The following B4GALT1 variants were observed in gnomAD, a reference collection of about 807,000 sequenced individuals.
B4GALT1 encodes beta-1,4-galactosyltransferase 1.
B4GALT1 carries 16 observed loss-of-function variants against 34.9 expected under a neutral mutation model. That is an observed-to-expected ratio of 0.46 (90% CI 0.31 to 0.70). B4GALT1 has a LOEUF of 0.70. Ranked by LOEUF, B4GALT1 falls within the 30% of genes least tolerant of loss-of-function variation. B4GALT1 has a pLI of 0.05. For missense variants in B4GALT1, 445 were observed against 530.5 expected (o/e 0.84, Z 1.58); for synonymous variants, 221 against 218.1 (o/e 1.01, Z -0.12).
At position 33,167,258 on chromosome 9, in the gene B4GALT1, G is replaced by C; in HGVS notation, c.-89C>G. 1 of 1,407,288 alleles carries C rather than the reference G, an allele frequency of 7.1e-7. No individual in the cohort carries two copies. The highest frequency in any genetic ancestry group is 9.2e-7 in the Non-Finnish European group (1 of 1,081,484). 87.2% of individuals were successfully genotyped at this position (1,407,288 alleles called of 1,614,324 possible). A position where few individuals can be genotyped will look rare whatever the true frequency, so the allele number is the denominator to read the frequency against. On this transcript the variant is annotated 5_prime_UTR_variant, in exon 1 of 6. Coordinates refer to ENST00000379731, the MANE Select transcript of B4GALT1 (RefSeq NM_001497.4). ...GCCCGCCAGGCGCTGCCCCACAGCGGCGACTAGGGGAGGGCCCGGAGCGGG... is the reference window on the plus strand; with the variant it reads ...GCCCGCCAGGCGCTGCCCCACAGCGCCGACTAGGGGAGGGCCCGGAGCGGG...
chr9:33,132,625 G>A (rs1840210405), intron 2 of B4GALT1, among the ~76,000 whole-genome samples: 1 of 152,226 alleles, frequency 6.6e-6, no homozygotes. Flanking sequence ...AGGTGGGCAG[G>A]AGCATGTAGC....
rs369691789 is a variant in B4GALT1 at position 33,104,617 on chromosome 9, C to G, written c.*135G>C. 1.5e-5 allele frequency: 6 copies of G among 396,418 alleles called. No individual in the cohort carries two copies. The East Asian group carries it at 3.6e-4, about 24-fold the overall frequency. 24.6% of individuals were successfully genotyped at this position (396,418 alleles called of 1,614,324 possible). ...CTGGATTCAGCAACCAGGCTGAGTC[C>G]TTATGACTGGCCAATCCTCCTCAGG... On this transcript the variant is annotated 3_prime_UTR_variant, in exon 3 of 3. Coordinates refer to the B4GALT1 transcript ENST00000535206.
At chr9:33,149,026 G>C (rs1205796335) in intron 1 of B4GALT1, among the ~76,000 whole-genome samples, 1 of 152,004 alleles carries the variant, frequency 6.6e-6, no homozygotes, top group African/African-American at 2.4e-5. Flanking sequence ...TTAATTAATA[G>C]GGAAAAAGGG....
At chr9:33,114,380 C>T (rs1320512809) in intron 4 of B4GALT1, among the ~76,000 whole-genome samples, 1 of 152,182 alleles carries the variant, frequency 6.6e-6, no homozygotes, top group East Asian at 1.9e-4. Context: ...GCAACGTAAG[C>T]TCCTGGGGAC....
intron 1 of B4GALT1, among the ~76,000 whole-genome samples, chr9:33,162,782 G>A (rs912035159): frequency 9.2e-5 from 14 of 152,218 alleles, no homozygotes; most frequent in Non-Finnish European, 1.9e-4. Flanking sequence ...GGTGGAGGCG[G>A]TGCCTTGTGT....
At chr9:33,155,479 T>C (rs1442458601) in intron 1 of B4GALT1, among the ~76,000 whole-genome samples, 1 of 152,224 alleles carries the variant, frequency 6.6e-6, no homozygotes, top group Admixed American at 6.5e-5. Flanking sequence ...CTGTGGTTTA[T>C]GATGGCCTCT....
At chr9:33,172,366 G>T in the B4GALT1 span, among the ~76,000 whole-genome samples, 1 of 152,250 alleles carries the variant, frequency 6.6e-6, no homozygotes, top group East Asian at 1.9e-4. Flanking sequence ...CTCTTCACTG[G>T]TCACATGTGC....
chr9:33,156,939 G>A (rs1180089170), intron 1 of B4GALT1, among the ~76,000 whole-genome samples: 4 of 152,174 alleles, frequency 2.6e-5, no homozygotes, highest in African/African-American at 9.7e-5. Flanking sequence ...GTAGGTGGGT[G>A]TTGAAAGAGC....
At position 33,166,839 on chromosome 9, in the gene B4GALT1, C is replaced by G; in HGVS notation, c.331G>C (p.Ala111Pro). Residue 111 changes from alanine (A) to proline (P), a missense_variant, in exon 1 of 6, where the codon GCT becomes CCT. By Grantham distance (27) the Ala-to-Pro change is conservative. Coordinates refer to ENST00000379731, the MANE Select transcript of B4GALT1 (RefSeq NM_001497.4). The part of the protein sequence containing the change: ...SPVVDSGPGP[A>P]SNLTSVPVPH... The stretch of plus-strand genomic sequence containing the variant: ...ACTGGGACCGAGGTCAAGTTGCTAG[C>G]GGGGCCAGGGCCAGAATCCACGACT... The G allele has an allele frequency of 6.4e-7, 1 of 1,555,928 alleles. No homozygotes were observed. The highest frequency in any genetic ancestry group is 8.6e-7 in the Non-Finnish European group (1 of 1,157,074).
chr9:33,155,726 C>G (rs1171682677), intron 1 of B4GALT1, among the ~76,000 whole-genome samples: 1 of 152,180 alleles, frequency 6.6e-6, no homozygotes, highest in African/African-American at 2.4e-5. Context: ...TGCCCCAAGG[C>G]AGATGAAAAC....
intron 1 of B4GALT1, among the ~76,000 whole-genome samples, chr9:33,135,786 T>C (rs1840260217): frequency 6.6e-6 from 1 of 152,164 alleles, no homozygotes; most frequent in Non-Finnish European, 1.5e-5. Flanking sequence ...GAGAAGGCAA[T>C]TTCTCAAAAC....
At chr9:33,173,725 T>A in the B4GALT1 span, among the ~76,000 whole-genome samples, 1 of 151,940 alleles carries the variant, frequency 6.6e-6, no homozygotes, top group Non-Finnish European at 1.5e-5. Flanking sequence ...AGGACCTAGG[T>A]ATTCTTGGAG....
intron 1 of B4GALT1, among the ~76,000 whole-genome samples, chr9:33,148,712 AG>A (rs928187312): frequency 1.3e-5 from 2 of 152,182 alleles, no homozygotes; most frequent in African/African-American, 2.4e-5. Context: ...CTCTACTAAA[AG>A]GAACTAGAGC....
chr9:33,113,850 G>A lies in B4GALT1; in HGVS notation c.988C>T (p.Arg330Cys), dbSNP rs1470152939. ...RLVFRGMSIS[R>C]PNAVVGRCRM... is the part of the protein sequence containing the mutation. ...CACCTCCCGACCACAGCATTTGGGC[G>A]AGATATAGACATGCCTCTAAAAACT... Residue 330 changes from arginine to cysteine, a missense_variant, in exon 5 of 6, where the codon CGC (arginine) becomes TGC (cysteine). Physicochemically the swap from Arg to Cys is radical, Grantham distance 180. Coordinates refer to ENST00000379731, the MANE Select transcript of B4GALT1 (RefSeq NM_001497.4). 5.0e-6 allele frequency: 8 copies of A among 1,614,030 alleles called. No individual in the cohort carries two copies. Among genetic ancestry groups the A allele is most frequent in the African/African-American group, 1.3e-5 (1 of 74,904 alleles).
chr9:33,168,303 C>G (rs1294335392), upstream of B4GALT1, among the ~76,000 whole-genome samples: 1 of 152,208 alleles, frequency 6.6e-6, no homozygotes, highest in Non-Finnish European at 1.5e-5. Flanking sequence ...GGGTGAGAGA[C>G]TTAGGCACTG....
At chr9:33,108,151 G>A (rs769037518), downstream of B4GALT1, among the ~76,000 whole-genome samples, 1 of 152,160 alleles carries the variant, frequency 6.6e-6, no homozygotes, top group South Asian at 2.1e-4. Flanking sequence ...TGCTTCATAA[G>A]TATGGTATTA....
At chr9:33,165,565 C>T (rs1003410230) in intron 1 of B4GALT1, among the ~76,000 whole-genome samples, 1 of 152,218 alleles carries the variant, frequency 6.6e-6, no homozygotes, top group African/African-American at 2.4e-5. Context: ...TTGATATGAA[C>T]ACATTGACGC....
upstream of B4GALT1, among the ~76,000 whole-genome samples, chr9:33,168,099 G>A (rs866600948): frequency 1.6e-4 from 25 of 152,296 alleles, no homozygotes; most frequent in Admixed American, 7.8e-4. Flanking sequence ...ATCAGCCGGC[G>A]TTACAGTCTA....
intron 2 of B4GALT1, among the ~76,000 whole-genome samples, chr9:33,120,885 GAAT>G (rs894543347): frequency 1.3e-5 from 2 of 152,140 alleles, no homozygotes; most frequent in Admixed American, 6.6e-5. Context: ...GCAAAAAACA[GAAT>G]AATCAGTAGG....
Sources: allele counts gnomAD v4.1 joint callset (sites outside exome capture counted in the v4.1 genomes callset), GRCh38; gene constraint gnomAD v4.1.1; transcripts MANE v1.5; gene names NCBI Gene and HGNC (gene_info 2026-07-23, HGNC 2026-07-21).